Variants in SELENOM observed in about 807,000 individuals in gnomAD.
The protein encoded by SELENOM is selenoprotein SelM.
Under a neutral mutation model 14.5 loss-of-function variants are expected in SELENOM, and 17 were observed. The ratio of observed to expected loss-of-function variants is 1.17; its 90% CI spans 0.80 to 1.76. The LOEUF is 1.76. SELENOM is among the 40% of genes most tolerant of loss of function. SELENOM has a pLI of 0.00. For synonymous variants in SELENOM, 102 were observed against 93.3 expected (o/e 1.09, Z -0.54); for missense variants, 230 against 204.6 (o/e 1.12, Z -0.76).
intron 2 of SELENOM, 81 bp downstream of exon 2, chr22:31,105,849 C>T: frequency 1.3e-6 from 2 of 1,509,236 alleles, no homozygotes; most frequent in East Asian, 2.3e-5. Context: ...CCCCTCCCCG[C>T]CCCAGTCATT....
intron 3 of SELENOM, 75 bp downstream of exon 3, chr22:31,105,583 C>A: frequency 6.9e-7 from 1 of 1,446,506 alleles, no homozygotes; most frequent in Non-Finnish European, 9.7e-7. Flanking sequence ...AACCATCTGC[C>A]ACCCCTTTCT....
intron 1 of SELENOM, chr22:31,106,191 G>A: frequency 1.7e-6 from 1 of 595,402 alleles, no homozygotes; most frequent in South Asian, 2.0e-5. Context: ...AAAGAGCAAG[G>A]CCAGAGACCC....
chr22:31,105,602 G>C, intron 3 of SELENOM, 56 bp downstream of exon 3: 10 of 1,552,494 alleles, frequency 6.4e-6, no homozygotes, highest in Non-Finnish European at 8.0e-6. Context: ...CTGAAGTTAC[G>C]TGGAGATTCT....
rs758096784 is a variant in SELENOM, at chr22:31,105,184, C to G, written c.279+24G>C. 1.6e-5 allele frequency: 26 copies of G among 1,613,122 alleles called. No homozygotes were observed. In the South Asian group the frequency reaches 2.9e-4, roughly 18 times the overall value. On this transcript the variant is annotated intron_variant, in intron 4 of 4. Coordinates refer to ENST00000400299, the MANE Select transcript of SELENOM (RefSeq NM_080430.4). ...CTGGGCCTCGCCTCTGGCCTCGCCCCCAGCCCACCTCCCACGGCCTCACCT... is the reference window on the plus strand; with the variant it reads ...CTGGGCCTCGCCTCTGGCCTCGCCCGCAGCCCACCTCCCACGGCCTCACCT...
rs1391516437 is a variant in SELENOM, at chr22:31,105,924, ACTCAC to A, written c.165+1_165+5del. On this transcript the variant is annotated splice_donor_variant and splice_donor_5th_base_variant and intron_variant, in intron 2 of 4. Transcript: ENST00000400299. LOFTEE classifies it high-confidence loss of function. Reference sequence around the variant, plus strand: ...CAGAGCTAGGGACCTCTTCCTTCAAACTCACCTCCTTTAGGCGGTTCAGCTGTCAT... The same window carrying A: ...CAGAGCTAGGGACCTCTTCCTTCAAACTCCTTTAGGCGGTTCAGCTGTCAT... 1 of 1,613,392 alleles carries A rather than the reference ACTCAC, an allele frequency of 6.2e-7. No homozygotes were observed. Among genetic ancestry groups the A allele is most frequent in the Non-Finnish European group, 8.5e-7 (1 of 1,179,768 alleles).
Position 31,107,506 on chromosome 22 carries a change from C to T in SELENOM, c.-1G>A, listed in dbSNP as rs373477899. The T allele has an allele frequency of 2.6e-6, 4 of 1,541,486 alleles. No individual in the cohort carries two copies. Among genetic ancestry groups the T allele is most frequent in the South Asian group, 1.2e-5 (1 of 84,116 alleles). ...CCAGCGGAGGCAACAGGAGGCTCAT[C>T]GGGACCCGGCCGCAGATGATGCGCA... On this transcript the variant is annotated 5_prime_UTR_variant, in exon 1 of 5. Coordinates refer to ENST00000400299, the MANE Select transcript of SELENOM (RefSeq NM_080430.4).
Position 31,107,548 on chromosome 22 carries a change from C to T in SELENOM, c.-43G>A. On this transcript the variant is annotated 5_prime_UTR_variant, in exon 1 of 5. Coordinates refer to ENST00000400299, the MANE Select transcript of SELENOM (RefSeq NM_080430.4). ...TGATGCGCAAGCTGGAGGCGAACCT[C>T]CGAGTCGCTGCGCCACGTCTGGGCC... 6.7e-7 allele frequency: 1 copy of T among 1,486,870 alleles called. No individual in the cohort carries two copies. Among genetic ancestry groups the T allele is most frequent in the Non-Finnish European group, 8.9e-7 (1 of 1,118,592 alleles). The allele number at this position is 1,486,870 out of a possible 1,614,324, so 92.1% of individuals were successfully genotyped here.
chr22:31,106,187 C>T, intron 1 of SELENOM: 1 of 597,760 alleles, frequency 1.7e-6, no homozygotes, highest in Non-Finnish European at 3.0e-6. Flanking sequence ...GGGAAAAGAG[C>T]AAGGCCAGAG....
chr22:31,105,425 T>C (rs2044392236), intron 3 of SELENOM, 139 bp from the exon 4 acceptor site: 1 of 916,090 alleles, frequency 1.1e-6, no homozygotes, highest in African/African-American at 1.7e-5. Context: ...CGCTTATACG[T>C]GAGAAAATTA....
chr22:31,105,155 C>T (rs983062760), intron 4 of SELENOM, 27 bp from the exon 5 acceptor site: 2 of 1,613,142 alleles, frequency 1.2e-6, no homozygotes, highest in Non-Finnish European at 1.7e-6. Context: ...GCGGGGTCAG[C>T]AGGCTGGGCC....
Position 31,107,441 on chromosome 22 carries a change from G to T in SELENOM, c.65C>A (p.Thr22Lys). Residue 22 changes from threonine to lysine, a missense_variant, in exon 1 of 5, where the codon ACA (threonine) becomes AAA (lysine). By Grantham distance (78) the Thr-to-Lys change is moderately conservative (BLOSUM62 -1). Coordinates refer to ENST00000400299, the MANE Select transcript of SELENOM (RefSeq NM_080430.4). ...LLLAALVAPA[T>K]AATAYRPDWN... is the part of the protein sequence containing the mutation. Reference sequence around the variant, plus strand: ...GTCCGGCCGGTAGGCAGTGGCGGCTGTGGCTGGGGCCACAAGCGCCGCGAG... The same window carrying T: ...GTCCGGCCGGTAGGCAGTGGCGGCTTTGGCTGGGGCCACAAGCGCCGCGAG... 1 of 1,572,590 alleles carries T rather than the reference G, an allele frequency of 6.4e-7. No individual in the cohort carries two copies. The highest frequency in any genetic ancestry group is 8.6e-7 in the Non-Finnish European group (1 of 1,161,512).
chr22:31,105,180 GC>G, intron 4 of SELENOM, 27 bp downstream of exon 4: 1 of 1,612,976 alleles, frequency 6.2e-7, no homozygotes, highest in South Asian at 1.1e-5. Context: ...CTCTGGCCTC[GC>G]CCCCAGCCCA....
chr22:31,105,016 G>T lies in SELENOM; in HGVS notation c.392C>A (p.Ala131Glu). ...AGTTTCCTCTGGGGGCTTCGCGGGC[G>T]CCCACACGTACTCGGGGGGCACCTG... ...DAQVPPEYVW[A>E]PAKPPEETSD... Residue 131 changes from alanine (A) to glutamate (E), a missense_variant, in exon 5 of 5, where the codon GCG becomes GAG. Coordinates refer to ENST00000400299, the MANE Select transcript of SELENOM (RefSeq NM_080430.4). 2 of 1,606,152 alleles carry T rather than the reference G, an allele frequency of 1.2e-6. No homozygotes were observed. Among genetic ancestry groups the T allele is most frequent in the Non-Finnish European group, 1.7e-6 (2 of 1,177,754 alleles).
Position 31,107,383 on chromosome 22 carries a change from C to A in SELENOM, c.123G>T (p.Arg41=). Residue 41 remains arginine, a synonymous_variant, in exon 1 of 5, where the codon CGG becomes CGT. Coordinates refer to ENST00000400299, the MANE Select transcript of SELENOM (RefSeq NM_080430.4). ...TGGAGGCCGGCGTACTCACCTCTACCCGGGCGCGGGTTAGGCCGCTCAGAC... is the reference window on the plus strand; with the variant it reads ...TGGAGGCCGGCGTACTCACCTCTACACGGGCGCGGGTTAGGCCGCTCAGAC... ...WNRLSGLTRA[R]VETCGGUQLN... 1.9e-6 allele frequency: 3 copies of A among 1,594,860 alleles called. No homozygotes were observed. The highest frequency in any genetic ancestry group is 2.6e-6 in the Non-Finnish European group (3 of 1,172,758).
At chr22:31,105,333 G>A (rs1285190605) in intron 3 of SELENOM, 47 bp from the exon 4 acceptor site, 4 of 1,536,038 alleles carry the variant, frequency 2.6e-6, no homozygotes, top group Non-Finnish European at 3.6e-6. Flanking sequence ...GGGAGGTGGT[G>A]GTTTCCGCAG....
At chr22:31,105,541 C>A in intron 3 of SELENOM, 117 bp downstream of exon 3, 1 of 1,087,550 alleles carries the variant, frequency 9.2e-7, no homozygotes, top group Non-Finnish European at 1.4e-6. Context: ...CCTCTGGGAG[C>A]CACTACCAAT....
At position 31,107,376 on chromosome 22, in the gene SELENOM, C is replaced by CCT; in HGVS notation, c.128_129dup (p.Thr44ArgfsTer8). ...CCGGGGCTGGAGGCCGGCGTACTCA[C>CCT]CTCTACCCGGGCGCGGGTTAGGCCG... is the stretch of plus-strand genomic sequence containing the variant. On this transcript the variant is annotated frameshift_variant and splice_region_variant. Transcript: ENST00000400299. LOFTEE classifies it high-confidence loss of function. The CCT allele has an allele frequency of 6.3e-7, 1 of 1,594,812 alleles. No individual in the cohort carries two copies. Among genetic ancestry groups the CCT allele is most frequent in the Non-Finnish European group, 8.5e-7 (1 of 1,172,638 alleles).
chr22:31,107,563 A>G lies in SELENOM; in HGVS notation c.-58T>C, dbSNP rs1169477590. On this transcript the variant is annotated 5_prime_UTR_variant, in exon 1 of 5. Coordinates refer to ENST00000400299, the MANE Select transcript of SELENOM (RefSeq NM_080430.4). ...AGGCGAACCTCCGAGTCGCTGCGCC[A>G]CGTCTGGGCCCCCAGGCTGGCCCCG... 5.7e-6 allele frequency: 8 copies of G among 1,392,642 alleles called. No homozygotes were observed. The highest frequency in any genetic ancestry group is 1.5e-5 in the African/African-American group (1 of 66,918). 86.3% of individuals were successfully genotyped at this position (1,392,642 alleles called of 1,614,324 possible).
At chr22:31,105,790 C>CAGGCTAGACTCCCAGCCT in intron 2 of SELENOM, 98 bp from the exon 3 acceptor site, 2 of 1,496,942 alleles carry the variant, frequency 1.3e-6, no homozygotes, top group South Asian at 2.3e-5. Flanking sequence ...AAGTCAGGTG[C>CAGGCTAGACTCCCAGCCT]AGGCTAGACT....
Sources: gnomAD v4.1 joint callset for allele counts on GRCh38, gnomAD v4.1.1 for gene constraint, MANE v1.5 for transcripts, NCBI Gene and HGNC (gene_info 2026-07-23, HGNC 2026-07-21) for gene names.